MAP4: variants seen among roughly 807,000 people sequenced by gnomAD.
MAP4 encodes the protein microtubule-associated protein 4.
Under a neutral mutation model 170.2 loss-of-function variants are expected in MAP4, and 76 were observed. The observed-to-expected ratio is 0.45, with a 90% confidence interval of 0.37 to 0.54. The LOEUF (loss-of-function observed/expected upper bound fraction) is 0.54. Ranked by LOEUF, MAP4 falls within the 20% of genes least tolerant of loss-of-function variation. The pLI, the probability that MAP4 is intolerant of heterozygous loss-of-function variation, is 0.00. For synonymous variants in MAP4, 909 were observed against 994.5 expected (o/e 0.91, Z 1.62); for missense variants, 2,506 against 2,748.0 (o/e 0.91, Z 1.97).
intron 3 of MAP4, among the ~76,000 whole-genome samples, chr3:47,938,260 C>T (rs529382267): frequency 2.6e-5 from 4 of 151,858 alleles, no homozygotes; most frequent in Non-Finnish European, 5.9e-5. Flanking sequence ...TAATCCTACT[C>T]GGGAGGCTGA....
Position 48,031,379 on chromosome 3 carries a change from G to A in MAP4, c.-19-32500C>T, listed in dbSNP as rs1259875703. 2.0e-5 allele frequency among the ~76,000 whole-genome samples: 3 copies of A among 152,104 alleles called. No individual in the cohort carries two copies. In the East Asian group the frequency reaches 5.8e-4, roughly 29 times the overall value. Reference sequence around the variant, plus strand: ...ATCCTGGCTAACATGGTGAAACCCTGTCTCTACTAAAAATACAAAAAGTTA... The same window carrying A: ...ATCCTGGCTAACATGGTGAAACCCTATCTCTACTAAAAATACAAAAAGTTA... On this transcript the variant is annotated intron_variant, in intron 1 of 18. Coordinates refer to the MAP4 transcript ENST00000360240.
intron 3 of MAP4, among the ~76,000 whole-genome samples, chr3:47,965,973 C>T (rs75420707): frequency 0.021 from 3,236 of 152,164 alleles, 69 homozygotes; most frequent in Admixed American, 0.034. Context: ...GAAGATTTCC[C>T]TCTATGTTTT....
chr3:47,937,761 A>G (rs2100053871), intron 3 of MAP4, among the ~76,000 whole-genome samples: 2 of 148,324 alleles, frequency 1.3e-5, no homozygotes, highest in South Asian at 4.2e-4. Context: ...TCCCGGGTTC[A>G]AGCGATTCTC....
At chr3:48,080,337 C>A (rs1362229830) in intron 1 of MAP4, among the ~76,000 whole-genome samples, 1 of 152,198 alleles carries the variant, frequency 6.6e-6, no homozygotes, top group Non-Finnish European at 1.5e-5. Context: ...TCTAGATTAT[C>A]TCTAAATCTC....
chr3:47,867,517 C>G (rs985860648), intron 16 of MAP4, among the ~76,000 whole-genome samples, 179 bp from the exon 17 acceptor site: 1 of 150,620 alleles, frequency 6.6e-6, no homozygotes, highest in African/African-American at 2.4e-5. Context: ...TGTGAAAGAG[C>G]AAGAAGGGGA....
At chr3:47,960,334 C>G (rs1178523450) in intron 3 of MAP4, 2 of 229,240 alleles carry the variant, frequency 8.7e-6, no homozygotes, top group East Asian at 2.2e-4. Flanking sequence ...ATTCTGTTTC[C>G]TCAGTTTTTC....
chr3:47,884,613 C>A (rs1049057547), intron 10 of MAP4, among the ~76,000 whole-genome samples: 13 of 152,146 alleles, frequency 8.5e-5, no homozygotes, highest in Admixed American at 6.5e-4. Context: ...CCTGAAAGGG[C>A]TGTAGGGACT....
At chr3:47,966,547 A>G (rs2100075172) in intron 3 of MAP4, among the ~76,000 whole-genome samples, 1 of 151,254 alleles carries the variant, frequency 6.6e-6, no homozygotes, top group Non-Finnish European at 1.5e-5. Context: ...GCACCTGGCC[A>G]ATTTTTTTTT....
chr3:47,890,216 G>T (rs376279341), intron 10 of MAP4, among the ~76,000 whole-genome samples: 2 of 152,072 alleles, frequency 1.3e-5, no homozygotes, highest in East Asian at 3.9e-4. Flanking sequence ...TAAGAGCTGT[G>T]GGGGGATGGG....
At chr3:47,891,238 T>C (rs766557893) in intron 10 of MAP4, 2 of 1,536,302 alleles carry the variant, frequency 1.3e-6, no homozygotes, top group Non-Finnish European at 1.7e-6. Context: ...TATGGAGATA[T>C]AATCCAGCAG....
At chr3:47,880,764 T>C (rs1428916797) in intron 10 of MAP4, among the ~76,000 whole-genome samples, 1 of 152,220 alleles carries the variant, frequency 6.6e-6, no homozygotes, top group Non-Finnish European at 1.5e-5. Context: ...TGCCCCATCA[T>C]AATTTCAATC....
chr3:47,859,782 A>AT (rs1263588745), intron 17 of MAP4, among the ~76,000 whole-genome samples: 3 of 152,148 alleles, frequency 2.0e-5, no homozygotes, highest in Non-Finnish European at 4.4e-5. Context: ...CTAGATAGAA[A>AT]TTTTTTTCTT....
chr3:48,002,528 AC>A (rs2154389632), intron 1 of MAP4, among the ~76,000 whole-genome samples: 2 of 152,308 alleles, frequency 1.3e-5, no homozygotes, highest in East Asian at 3.9e-4. Context: ...TGATGGCACC[AC>A]TGTACTCCAG....
At chr3:48,047,990 T>C (rs1278530721) in intron 1 of MAP4, among the ~76,000 whole-genome samples, 2 of 152,140 alleles carry the variant, frequency 1.3e-5, no homozygotes, top group Non-Finnish European at 2.9e-5. Flanking sequence ...TATAGTTCCA[T>C]CTACTTGGAA....
chr3:47,928,430 T>TA, intron 3 of MAP4, 80 bp from the exon 4 acceptor site: 1 of 1,342,230 alleles, frequency 7.5e-7, no homozygotes, highest in South Asian at 1.3e-5. Context: ...TACAAAGTAT[T>TA]ACAGCTAGTA....
At position 47,912,173 on chromosome 3, in the gene MAP4, G is replaced by T. The variant is rs1262998857; in HGVS notation, c.2248C>A (p.Pro750Thr). The change falls in exon 9 of 21, where the codon CCC becomes ACC. Residue 750 changes from proline (P) to threonine (T), a missense_variant. Transcript: ENST00000683076. ...GCCTCCCTGCCAAGATCCCTCTGGG[G>T]TTCAAGTGAGTCAACATGAATACTT... ...RKSIHVDSLEPQRDLGREAWD... is the reference protein window; with the variant it reads ...RKSIHVDSLETQRDLGREAWD... 1.3e-6 allele frequency: 2 copies of T among 1,536,128 alleles called. No individual in the cohort carries two copies. The highest frequency in any genetic ancestry group is 3.9e-5 in the Admixed American group (2 of 50,994).
At chr3:47,968,245 T>C (rs2054430164) in intron 3 of MAP4, among the ~76,000 whole-genome samples, 1 of 152,232 alleles carries the variant, frequency 6.6e-6, no homozygotes, top group African/African-American at 2.4e-5. Flanking sequence ...AGAAGACCTA[T>C]ATAACACTAT....
chr3:47,968,826 A>C (rs2100076682), intron 3 of MAP4, among the ~76,000 whole-genome samples: 1 of 152,148 alleles, frequency 6.6e-6, no homozygotes. Flanking sequence ...AAGATGAAAA[A>C]AATTGACAAA....
intron 9 of MAP4, 118 bp downstream of exon 9, chr3:47,908,920 A>G: frequency 9.0e-7 from 1 of 1,116,018 alleles, no homozygotes; most frequent in Non-Finnish European, 1.3e-6. Context: ...CATGCCAACA[A>G]ACCAATGATT....
Sources: gnomAD v4.1 joint callset for allele counts (sites outside exome capture counted in the v4.1 genomes callset) on GRCh38, gnomAD v4.1.1 for gene constraint, MANE v1.5 for transcripts, NCBI Gene and HGNC (gene_info 2026-07-23, HGNC 2026-07-21) for gene names.